HMGB1: variants seen among roughly 807,000 people sequenced by gnomAD.
HMGB1 encodes the protein high mobility group box 1, also known as high mobility group protein B1.
For missense variants in HMGB1, 79 were observed against 253.5 expected (o/e 0.31, Z 4.67); for synonymous variants, 81 against 84.0 (o/e 0.96, Z 0.19).
intron 1 of HMGB1, among the ~76,000 whole-genome samples, chr13:30,609,812 G>C (rs1411114630): frequency 6.6e-6 from 1 of 152,156 alleles, no homozygotes; most frequent in Non-Finnish European, 1.5e-5. Context: ...TTATAGCTTA[G>C]CTCCCACTTT....
rs1886072931 is a variant in HMGB1, at chr13:30,458,193, T to C, written c.*3164A>G. On this transcript the variant is annotated 3_prime_UTR_variant, in exon 5 of 5. Coordinates refer to ENST00000341423, the MANE Select transcript of HMGB1 (RefSeq NM_002128.7). Reference sequence around the variant, plus strand: ...GCGTGTTGTACCAAGCAGACCTAAATGTGAACTTTCATCAAGGACCTTTTT... The same window carrying C: ...GCGTGTTGTACCAAGCAGACCTAAACGTGAACTTTCATCAAGGACCTTTTT... 1 of 152,116 alleles carries C rather than the reference T, an allele frequency of 6.6e-6. No individual in the cohort carries two copies. The highest frequency in any genetic ancestry group is 2.4e-5 in the African/African-American group (1 of 41,422). 9.4% of individuals were successfully genotyped at this position (152,116 alleles called of 1,614,324 possible).
chr13:30,583,540 A>G (rs1407611673), intron 1 of HMGB1, among the ~76,000 whole-genome samples: 1 of 150,944 alleles, frequency 6.6e-6, no homozygotes, highest in Non-Finnish European at 1.5e-5. Flanking sequence ...AAAAAAAAAA[A>G]AAAAAAAAAA....
At chr13:30,571,295 T>TG (rs1870411996) in intron 1 of HMGB1, among the ~76,000 whole-genome samples, 1 of 150,830 alleles carries the variant, frequency 6.6e-6, no homozygotes, top group African/African-American at 2.4e-5. Context: ...AAAAATGGTT[T>TG]TTTTTTTTTT....
rs558876531 is a variant in HMGB1 at position 30,503,098 on chromosome 13, G to A, written c.-14-39404C>T. Among the ~76,000 whole-genome samples, 8 of 152,216 alleles carry A rather than the reference G, an allele frequency of 5.3e-5. No individual in the cohort carries two copies. The South Asian group carries it at 1.7e-3, about 32-fold the overall frequency. ...CACACCTGTAATCCCAGCACTTTGG[G>A]AGGCCGAGGCGAGGGATCATGAGGT... On this transcript the variant is annotated intron_variant, in intron 1 of 4. Coordinates refer to the HMGB1 transcript ENST00000405805.
At chr13:30,490,782 C>G (rs1259160138) in intron 1 of HMGB1, among the ~76,000 whole-genome samples, 1 of 151,790 alleles carries the variant, frequency 6.6e-6, no homozygotes, top group African/African-American at 2.4e-5. Context: ...GACCCTGTCT[C>G]TTAAAAAAAA....
chr13:30,540,704 C>A (rs2137501205), intron 1 of HMGB1: 1 of 152,146 alleles, frequency 6.6e-6, no homozygotes, highest in Middle Eastern at 3.4e-3. Context: ...CCTGCCTCAG[C>A]CTCCTGAGTA....
chr13:30,568,992 C>T (rs1165418045), intron 1 of HMGB1, among the ~76,000 whole-genome samples: 1 of 152,162 alleles, frequency 6.6e-6, no homozygotes, highest in African/African-American at 2.4e-5. Flanking sequence ...ACCAGGCCAA[C>T]ATGGTGAAAC....
intron 1 of HMGB1, among the ~76,000 whole-genome samples, chr13:30,575,766 T>G (rs1403633439): frequency 6.6e-6 from 1 of 152,152 alleles, no homozygotes; most frequent in East Asian, 1.9e-4. Flanking sequence ...TAAAAATGTG[T>G]GCTTAGGTGC....
chr13:30,561,810 C>A (rs570253389), intron 1 of HMGB1, among the ~76,000 whole-genome samples: 1 of 152,158 alleles, frequency 6.6e-6, no homozygotes, highest in Admixed American at 6.5e-5. Context: ...AGACAGAAGA[C>A]AAAGCGGATC....
chr13:30,553,884 A>G, intron 1 of HMGB1: 1 of 1,343,218 alleles, frequency 7.4e-7, no homozygotes, highest in Non-Finnish European at 1.1e-6. Flanking sequence ...TATTAATGCC[A>G]GCTTAGTTGA....
chr13:30,546,458 C>G (rs1315655904), intron 1 of HMGB1, among the ~76,000 whole-genome samples: 1 of 152,020 alleles, frequency 6.6e-6, no homozygotes, highest in Non-Finnish European at 1.5e-5. Flanking sequence ...CCTAACTACA[C>G]TGTTGAGGAG....
At chr13:30,494,640 C>T (rs375236073) in intron 1 of HMGB1, among the ~76,000 whole-genome samples, 22 of 152,350 alleles carry the variant, frequency 1.4e-4, no homozygotes, top group African/African-American at 4.6e-4. Context: ...GAATTACAGG[C>T]GTGAGCTACT....
rs55733338 is a variant in HMGB1 at position 30,522,126 on chromosome 13, T to TTTTG, written c.-14-58433_-14-58432insCAAA. ...TTATGATACTTTTTTTTTTTTTTTT[T>TTTTG]GGGCAAGACAAGGTCTTGCTCTGTC... On this transcript the variant is annotated intron_variant, in intron 1 of 4. Transcript: ENST00000405805. Among the ~76,000 whole-genome samples, 85 of 148,368 alleles carry TTTTG rather than the reference T, an allele frequency of 5.7e-4. No homozygotes were observed. The East Asian group carries it at 9.5e-3, about 17-fold the overall frequency.
rs1869846224 is a variant in HMGB1 at position 30,559,384 on chromosome 13, A to C, written c.-15+57287T>G. ...CTCCCAATCCCGGTAAGATGGCCCG[A>C]GTTTCATTGCTGGTTTACTAGTTTT... On this transcript the variant is annotated intron_variant, in intron 1 of 4. Transcript: ENST00000405805. The surrounding 1 kb of genome is among the most constrained non-coding windows in gnomAD (Gnocchi z 6.6). 6.6e-6 allele frequency among the ~76,000 whole-genome samples: 1 copy of C among 152,126 alleles called. No individual in the cohort carries two copies. The highest frequency in any genetic ancestry group is 1.5e-5 in the Non-Finnish European group (1 of 68,014).
chr13:30,551,497 A>G (rs1869427825), intron 1 of HMGB1, among the ~76,000 whole-genome samples: 1 of 152,238 alleles, frequency 6.6e-6, no homozygotes, highest in Admixed American at 6.5e-5. Flanking sequence ...ACTTCTTGCC[A>G]CAGTTTTGGC....
chr13:30,600,111 A>C (rs9579616), intron 1 of HMGB1, among the ~76,000 whole-genome samples: 4,523 of 152,328 alleles, frequency 0.03, 241 homozygotes, highest in African/African-American at 0.1. Flanking sequence ...TACCACTGAA[A>C]GATCCCTTTC....
intron 1 of HMGB1, among the ~76,000 whole-genome samples, chr13:30,611,940 C>T (rs1408714882): frequency 6.6e-6 from 1 of 150,630 alleles, no homozygotes; most frequent in African/African-American, 2.4e-5. Flanking sequence ...AACTAACAAA[C>T]ATGAATGAAA....
intron 1 of HMGB1, among the ~76,000 whole-genome samples, chr13:30,523,936 G>T (rs1452475435): frequency 6.6e-6 from 1 of 151,944 alleles, no homozygotes; most frequent in Non-Finnish European, 1.5e-5. Context: ...TAGAGAGGGG[G>T]TGTATTAGTC....
At chr13:30,568,818 C>T (rs924974035) in intron 1 of HMGB1, among the ~76,000 whole-genome samples, 13 of 152,092 alleles carry the variant, frequency 8.5e-5, no homozygotes, top group African/African-American at 2.9e-4. Flanking sequence ...TGTTTTAAGC[C>T]ACCAAGTTTG....
Sources: allele counts gnomAD v4.1 joint callset (sites outside exome capture counted in the v4.1 genomes callset), GRCh38; gene constraint gnomAD v4.1.1; non-coding constraint Gnocchi (gnomAD v3.1); transcripts MANE v1.5; gene names NCBI Gene and HGNC (gene_info 2026-07-23, HGNC 2026-07-21).